Variants in POU2F1 observed in about 807,000 individuals in gnomAD.
POU2F1 encodes the protein POU domain, class 2, transcription factor 1.
In POU2F1, 16 loss-of-function variants were observed where a neutral mutation model predicts 84.9. The observed-to-expected ratio is 0.19, with a 90% CI of 0.13 to 0.29. The LOEUF is 0.29. Ranked by LOEUF, POU2F1 falls within the 10% of genes least tolerant of loss-of-function variation. The pLI is 1.00. For synonymous variants in POU2F1, 368 were observed against 368.3 expected (o/e 1.00, Z 0.01); for missense variants, 738 against 942.6 (o/e 0.78, Z 2.84).
In POU2F1 at chr1:167,259,382, T is replaced by A. The variant is rs1234380556; in HGVS notation, c.61+38424T>A. On this transcript the variant is annotated intron_variant, in intron 1 of 15. Transcript: ENST00000367866. Reference sequence around the variant, plus strand: ...GGGAAGGGAGTAACTGCAACCAGTTTAGTAAACCATCTACCGCAATTCAGT... The same window carrying A: ...GGGAAGGGAGTAACTGCAACCAGTTAAGTAAACCATCTACCGCAATTCAGT... Among the ~76,000 whole-genome samples, 5 of 152,182 alleles carry A rather than the reference T, an allele frequency of 3.3e-5. No individual in the cohort carries two copies. In the East Asian group the frequency reaches 9.6e-4, roughly 29 times the overall value.
At chr1:167,291,317 C>T (rs976693353) in intron 1 of POU2F1, among the ~76,000 whole-genome samples, 1 of 152,088 alleles carries the variant, frequency 6.6e-6, no homozygotes, top group African/African-American at 2.4e-5. Flanking sequence ...TTGCAAGAAC[C>T]AGAAGAGATA....
At chr1:167,347,778 C>T (rs982700811) in intron 2 of POU2F1, among the ~76,000 whole-genome samples, 1 of 152,148 alleles carries the variant, frequency 6.6e-6, no homozygotes, top group Non-Finnish European at 1.5e-5. Context: ...TAAATGAAAT[C>T]ATATGGTATG....
At chr1:167,225,581 TTAA>T (rs1477222179) in intron 1 of POU2F1, among the ~76,000 whole-genome samples, 6 of 152,232 alleles carry the variant, frequency 3.9e-5, no homozygotes, top group African/African-American at 1.2e-4. Context: ...CCAAAGATGT[TTAA>T]TAGACCCTTG....
chr1:167,306,426 G>C (rs1655068583), intron 1 of POU2F1, among the ~76,000 whole-genome samples: 1 of 152,076 alleles, frequency 6.6e-6, no homozygotes, highest in African/African-American at 2.4e-5. Context: ...AGGAGAAAAT[G>C]TTTGACAGTT....
At chr1:167,354,753 G>A (rs1384894820) in intron 2 of POU2F1, among the ~76,000 whole-genome samples, 1 of 152,128 alleles carries the variant, frequency 6.6e-6, no homozygotes, top group Non-Finnish European at 1.5e-5. Context: ...TCTCATTGGG[G>A]TTTTAATTTG....
rs561894067 is a variant in POU2F1, at chr1:167,243,514, C to T, written c.61+22556C>T. ...TTTTGAGACGGAGTCTCGCTCTTGT[C>T]GCCCAGTCTGGAGTGCAGTGGCGTG... On this transcript the variant is annotated intron_variant, in intron 1 of 15. Transcript: ENST00000367866. Among the ~76,000 whole-genome samples, 13 of 152,116 alleles carry T rather than the reference C, an allele frequency of 8.5e-5. No individual in the cohort carries two copies. In the South Asian group the frequency reaches 1.0e-3, roughly 12 times the overall value.
chr1:167,411,459 G>A, intron 13 of POU2F1, among the ~76,000 whole-genome samples: 1 of 151,758 alleles, frequency 6.6e-6, no homozygotes, highest in Non-Finnish European at 1.5e-5. Flanking sequence ...TTACAGAATA[G>A]TTGTTTGAAT....
chr1:167,340,501 G>A (rs1022936290), intron 2 of POU2F1, among the ~76,000 whole-genome samples: 15 of 142,244 alleles, frequency 1.1e-4, no homozygotes, highest in Non-Finnish European at 4.5e-5. Context: ...GCACGATCTC[G>A]GCTCACTGCA....
chr1:167,351,519 C>CAAAAAAAAAAAAAAAAAA (rs34170498), intron 2 of POU2F1, among the ~76,000 whole-genome samples: 12 of 45,972 alleles, frequency 2.6e-4, no homozygotes, highest in Non-Finnish European at 3.0e-4. Context: ...AGCACCATCT[C>CAAAAAAAAAAAAAAAAAA]AAAAAAAAAA....
At chr1:167,380,466 C>G (rs1295714869) in intron 7 of POU2F1, 2 of 152,222 alleles carry the variant, frequency 1.3e-5, no homozygotes, top group African/African-American at 4.8e-5. Context: ...CCTAGAATCA[C>G]CTTGTACCAC....
chr1:167,289,301 C>G lies in POU2F1; in HGVS notation c.62-43169C>G, dbSNP rs549367535. Reference sequence around the variant, plus strand: ...TCTGAGTGCTTGTCAGATTCTACCACTAAGGTTGCTGTACTGAACATGACT... The same window carrying G: ...TCTGAGTGCTTGTCAGATTCTACCAGTAAGGTTGCTGTACTGAACATGACT... On this transcript the variant is annotated intron_variant, in intron 1 of 15. Transcript: ENST00000367866. 2.0e-5 allele frequency among the ~76,000 whole-genome samples: 3 copies of G among 152,350 alleles called. No individual in the cohort carries two copies. The East Asian group carries it at 5.8e-4, about 29-fold the overall frequency.
intron 1 of POU2F1, among the ~76,000 whole-genome samples, chr1:167,245,580 G>C (rs1312101120): frequency 6.6e-6 from 1 of 151,876 alleles, no homozygotes; most frequent in African/African-American, 2.4e-5. Flanking sequence ...CACCCAGCTA[G>C]TTTTGTGTTT....
intron 1 of POU2F1, among the ~76,000 whole-genome samples, chr1:167,315,834 A>G (rs988555609): frequency 6.6e-6 from 1 of 152,088 alleles, no homozygotes; most frequent in African/African-American, 2.4e-5. Flanking sequence ...TGAAATTAAA[A>G]AACAAGCAAA....
chr1:167,253,695 G>T (rs1650913439), intron 1 of POU2F1, among the ~76,000 whole-genome samples: 1 of 152,028 alleles, frequency 6.6e-6, no homozygotes, highest in Non-Finnish European at 1.5e-5. Flanking sequence ...CCAAAGTGCT[G>T]GGATTATAAG....
chr1:167,279,133 A>T (rs2102492829), intron 1 of POU2F1, among the ~76,000 whole-genome samples: 1 of 152,374 alleles, frequency 6.6e-6, no homozygotes. Context: ...ATGTTAAATG[A>T]ACACACATTA....
chr1:167,232,905 T>C (rs1237211283), intron 1 of POU2F1, among the ~76,000 whole-genome samples: 1 of 152,018 alleles, frequency 6.6e-6, no homozygotes, highest in Admixed American at 6.6e-5. Context: ...AGACTTTTTC[T>C]CTTATAAATT....
intron 8 of POU2F1, among the ~76,000 whole-genome samples, chr1:167,386,157 G>C (rs1255870711): frequency 2.0e-5 from 3 of 152,134 alleles, no homozygotes; most frequent in Non-Finnish European, 2.9e-5. Flanking sequence ...GTTGCAAAAT[G>C]GTATACACAC....
intron 13 of POU2F1, among the ~76,000 whole-genome samples, chr1:167,410,669 C>T (rs982261140): frequency 4.6e-5 from 7 of 152,058 alleles, no homozygotes; most frequent in African/African-American, 1.7e-4. Flanking sequence ...GCGCCCACCA[C>T]CATGCCTGGC....
intron 2 of POU2F1, among the ~76,000 whole-genome samples, chr1:167,356,131 C>G (rs569967729): frequency 6.6e-6 from 1 of 150,536 alleles, no homozygotes; most frequent in Non-Finnish European, 1.5e-5. Flanking sequence ...ACTATAGGCA[C>G]GTCCCACCAC....
Sources: gnomAD v4.1 joint callset for allele counts (sites outside exome capture counted in the v4.1 genomes callset) on GRCh38, gnomAD v4.1.1 for gene constraint, MANE v1.5 for transcripts, NCBI Gene and HGNC (gene_info 2026-07-23, HGNC 2026-07-21) for gene names.